Variants in PTPN3 observed in about 807,000 individuals in gnomAD.
PTPN3 encodes the protein tyrosine-protein phosphatase non-receptor type 3.
Under a neutral mutation model 132.7 loss-of-function variants are expected in PTPN3, and 96 were observed. That is an observed-to-expected ratio of 0.72 (90% CI 0.61 to 0.86). The LOEUF (loss-of-function observed/expected upper bound fraction) is 0.86. Ranked by LOEUF, PTPN3 falls within the 40% of genes least tolerant of loss-of-function variation. PTPN3 has a pLI of 0.00. For synonymous variants in PTPN3, 398 were observed against 429.0 expected (o/e 0.93, Z 0.89); for missense variants, 1,125 against 1,159.6 (o/e 0.97, Z 0.43).
the PTPN3 span, among the ~76,000 whole-genome samples, chr9:109,511,190 T>G: frequency 1.3e-5 from 2 of 152,278 alleles, no homozygotes; most frequent in East Asian, 3.9e-4. Context: ...ACACCAGCTC[T>G]GCTTGCAATC....
intron 24 of PTPN3, 34 bp downstream of exon 24, chr9:109,382,268 G>A (rs1387957489): frequency 6.2e-7 from 1 of 1,607,588 alleles, no homozygotes; most frequent in Non-Finnish European, 8.5e-7. Context: ...ACAGGGAAAG[G>A]ATTCCAAACC....
intron 12 of PTPN3, among the ~76,000 whole-genome samples, chr9:109,424,126 T>A (rs1430509943): frequency 6.6e-6 from 1 of 152,174 alleles, no homozygotes; most frequent in African/African-American, 2.4e-5. Flanking sequence ...TAATGTGTCA[T>A]GGGTTATTAA....
chr9:109,402,089 C>T (rs1333787497), intron 19 of PTPN3, among the ~76,000 whole-genome samples: 4 of 152,138 alleles, frequency 2.6e-5, no homozygotes, highest in East Asian at 1.9e-4. Flanking sequence ...AAGACACACT[C>T]GCTAAATCAA....
intron 6 of PTPN3, among the ~76,000 whole-genome samples, chr9:109,448,579 T>C (rs1845016799): frequency 1.3e-5 from 2 of 152,182 alleles, no homozygotes; most frequent in African/African-American, 4.8e-5. Context: ...GATAGCTGCA[T>C]CCTTTGTAAT....
In PTPN3 at chr9:109,383,488, G is replaced by C. The variant is rs1203916643; in HGVS notation, c.2317C>G (p.Gln773Glu). 27 of 1,614,020 alleles carry C rather than the reference G, an allele frequency of 1.7e-5. No individual in the cohort carries two copies. The highest frequency in any genetic ancestry group is 2.1e-5 in the Non-Finnish European group (25 of 1,180,040). The change falls in exon 23 of 26, where the codon CAG becomes GAG. Residue 773 changes from glutamine to glutamate, a missense_variant. Coordinates refer to ENST00000374541, the MANE Select transcript of PTPN3 (RefSeq NM_002829.4). Reference sequence around the variant, plus strand: ...ATGGTGCAGTCCTCTGACTGACACTGGATGTGAAAGCCGCCGTGGTTCATG... The same window carrying C: ...ATGGTGCAGTCCTCTGACTGACACTCGATGTGAAAGCCGCCGTGGTTCATG... ...DVMNHGGFHIQCQSEDCTIAY... is the reference protein window; with the variant it reads ...DVMNHGGFHIECQSEDCTIAY...
chr9:109,430,132 A>T (rs899965083), intron 10 of PTPN3, among the ~76,000 whole-genome samples: 3 of 152,028 alleles, frequency 2.0e-5, no homozygotes, highest in African/African-American at 7.2e-5. Flanking sequence ...CCTTCTGGAG[A>T]TACTCTTCCT....
At chr9:109,522,337 C>T in the PTPN3 span, among the ~76,000 whole-genome samples, 3 of 152,172 alleles carry the variant, frequency 2.0e-5, no homozygotes, top group Non-Finnish European at 4.4e-5. Context: ...TCTCAAAGTT[C>T]AGACAGTTTC....
intron 13 of PTPN3, 33 bp from the exon 14 acceptor site, chr9:109,420,633 CA>C: frequency 6.3e-7 from 1 of 1,577,332 alleles, no homozygotes; most frequent in Non-Finnish European, 8.6e-7. Context: ...GCAAAGTGTT[CA>C]AAGCAAATTC....
chr9:109,390,176 G>C (rs144558847), intron 21 of PTPN3, among the ~76,000 whole-genome samples: 3 of 152,282 alleles, frequency 2.0e-5, no homozygotes, highest in African/African-American at 7.2e-5. Flanking sequence ...TTAAGACACC[G>C]GGAATGTTGA....
rs777708935 is a variant in PTPN3, at chr9:109,404,477, C to T, written c.1924G>A (p.Glu642Lys). ...GSMAQLKKGL[E>K]SGTVLIQFEQ... ...AACTGGATCAGCACCGTCCCGCTTT[C>T]GAGGCCCTTCTTTAGCTGTGCCATG... The change falls in exon 19 of 26, where the codon GAA becomes AAA. Residue 642 changes from glutamate to lysine, a missense_variant. Physicochemically the swap from Glu to Lys is moderately conservative, Grantham distance 56. Transcript: ENST00000374541. 46 of 1,525,120 alleles carry T rather than the reference C, an allele frequency of 3.0e-5. No individual in the cohort carries two copies. The highest frequency in any genetic ancestry group is 9.0e-5 in the Admixed American group (5 of 55,716). The allele number at this position is 1,525,120 out of a possible 1,614,324, so 94.5% of individuals were successfully genotyped here. A position where few individuals can be genotyped will look rare whatever the true frequency, so the allele number is the denominator to read the frequency against.
intron 12 of PTPN3, among the ~76,000 whole-genome samples, chr9:109,425,918 G>T (rs760626505): frequency 6.6e-6 from 1 of 151,192 alleles, no homozygotes; most frequent in Admixed American, 6.6e-5. Flanking sequence ...GGAGGCTGAG[G>T]CAAGAGAATC....
intron 1 of PTPN3, among the ~76,000 whole-genome samples, chr9:109,473,612 T>A (rs1227837613): frequency 3.3e-5 from 5 of 152,184 alleles, no homozygotes. Context: ...TTAAGTGCCA[T>A]GAGCTGGGTT....
At chr9:109,534,768 C>T in the PTPN3 span, among the ~76,000 whole-genome samples, 1 of 152,076 alleles carries the variant, frequency 6.6e-6, no homozygotes, top group Non-Finnish European at 1.5e-5. Flanking sequence ...CGCCATTGCA[C>T]TCCAGCCCGG....
At chr9:109,434,685 C>G (rs748777898) in intron 9 of PTPN3, among the ~76,000 whole-genome samples, 59 of 152,182 alleles carry the variant, frequency 3.9e-4, no homozygotes, top group Middle Eastern at 3.2e-3. Flanking sequence ...CTGGCACCTA[C>G]TAGCTATATA....
chr9:109,381,848 G>A, intron 24 of PTPN3, 61 bp from the exon 25 acceptor site: 1 of 1,597,810 alleles, frequency 6.3e-7, no homozygotes, highest in Non-Finnish European at 8.6e-7. Flanking sequence ...GCATGGCCCA[G>A]CGAGCAGTTC....
chr9:109,440,153 G>A (rs1844346825), intron 7 of PTPN3, among the ~76,000 whole-genome samples: 1 of 152,182 alleles, frequency 6.6e-6, no homozygotes, highest in Non-Finnish European at 1.5e-5. Flanking sequence ...GATCTGTACA[G>A]AGGCTGATGC....
At chr9:109,427,380 A>C (rs1290181452) in intron 11 of PTPN3, among the ~76,000 whole-genome samples, 1 of 152,226 alleles carries the variant, frequency 6.6e-6, no homozygotes, top group Non-Finnish European at 1.5e-5. Flanking sequence ...CTTTTATTTC[A>C]AATCTATTTA....
chr9:109,403,341 C>T (rs544901233), intron 19 of PTPN3, among the ~76,000 whole-genome samples: 16 of 152,200 alleles, frequency 1.1e-4, no homozygotes, highest in Non-Finnish European at 2.2e-4. Context: ...AGTTTTGCTT[C>T]TTTTTCCTTT....
chr9:109,466,278 TACA>T (rs767351591), intron 1 of PTPN3, among the ~76,000 whole-genome samples: 6 of 152,170 alleles, frequency 3.9e-5, no homozygotes, highest in South Asian at 4.1e-4. Context: ...AGTACTGCAG[TACA>T]ACAATACCGT....
Sources: allele counts gnomAD v4.1 joint callset (sites outside exome capture counted in the v4.1 genomes callset), GRCh38; gene constraint gnomAD v4.1.1; transcripts MANE v1.5; gene names NCBI Gene and HGNC (gene_info 2026-07-23, HGNC 2026-07-21).